BMPR1A: variants seen among roughly 807,000 people sequenced by gnomAD.
BMPR1A encodes the protein bone morphogenetic protein receptor type 1A, also known as bone morphogenetic protein receptor type-1A.
BMPR1A carries 7 observed loss-of-function variants against 66.0 expected under a neutral mutation model. That is an observed-to-expected ratio of 0.11 (90% CI 0.06 to 0.20). The LOEUF is 0.20. Ranked by LOEUF, BMPR1A falls within the 10% of genes least tolerant of loss-of-function variation. The pLI is 1.00. For missense variants in BMPR1A, 408 were observed against 669.1 expected, an observed-to-expected ratio of 0.61 and a Z score of 4.31; for synonymous variants, 200 against 229.7, an observed-to-expected ratio of 0.87 and a Z score of 1.17.
chr10:86,780,600 A>G (rs531694494), intron 1 of BMPR1A, among the ~76,000 whole-genome samples: 21 of 150,812 alleles, frequency 1.4e-4, no homozygotes, highest in Admixed American at 1.1e-3. Context: ...ACGCCCGGCT[A>G]ATTTTTGTAT....
chr10:86,778,151 G>A (rs75515631), intron 1 of BMPR1A, among the ~76,000 whole-genome samples: 2,080 of 152,118 alleles, frequency 0.014, 42 homozygotes, highest in African/African-American at 0.048. Context: ...TGGCTCATGG[G>A]CTACATGTGG....
chr10:86,875,888 A>G lies in BMPR1A; in HGVS notation c.-131A>G. 1 of 776,218 alleles carries G rather than the reference A, an allele frequency of 1.3e-6. No individual in the cohort carries two copies. The highest frequency in any genetic ancestry group is 2.3e-6 in the Non-Finnish European group (1 of 438,480). The allele number at this position is 776,218 out of a possible 1,614,324, so 48.1% of individuals were successfully genotyped here. Reference sequence around the variant, plus strand: ...TCAGGAGTCGTAAGAAAGCAGTGGGAGTTGAAGTCATTGTCAAGTGCTTGC... The same window carrying G: ...TCAGGAGTCGTAAGAAAGCAGTGGGGGTTGAAGTCATTGTCAAGTGCTTGC... On this transcript the variant is annotated 5_prime_UTR_variant, in exon 3 of 13. Transcript: ENST00000372037.
At chr10:86,889,105 C>T (rs1843111670) in intron 3 of BMPR1A, among the ~76,000 whole-genome samples, 1 of 152,130 alleles carries the variant, frequency 6.6e-6, no homozygotes, top group Non-Finnish European at 1.5e-5. Context: ...CTAGCTGAGT[C>T]AGAGAGAGGA....
chr10:86,794,779 GTA>G (rs1259619222), intron 1 of BMPR1A, among the ~76,000 whole-genome samples: 1 of 151,092 alleles, frequency 6.6e-6, no homozygotes, highest in African/African-American at 2.4e-5. Flanking sequence ...TCTGTGATTC[GTA>G]TAGTCACTAG....
At chr10:86,855,095 G>C (rs1842622239) in intron 2 of BMPR1A, 1 of 265,290 alleles carries the variant, frequency 3.8e-6, no homozygotes, top group African/African-American at 2.2e-5. Flanking sequence ...TCCACGCCCA[G>C]CTAATTATTG....
At chr10:86,895,194 A>G (rs1298211385) in intron 5 of BMPR1A, among the ~76,000 whole-genome samples, 1 of 152,226 alleles carries the variant, frequency 6.6e-6, no homozygotes, top group African/African-American at 2.4e-5. Flanking sequence ...TTTCGATGAT[A>G]GGATCTTTAT....
intron 1 of BMPR1A, among the ~76,000 whole-genome samples, chr10:86,825,990 C>T (rs1027762923): frequency 3.3e-5 from 5 of 152,158 alleles, no homozygotes; most frequent in South Asian, 2.1e-4. Flanking sequence ...ATTTATAAAT[C>T]GATAGAAAAG....
At chr10:86,793,736 A>G (rs887116033) in intron 1 of BMPR1A, among the ~76,000 whole-genome samples, 2 of 151,502 alleles carry the variant, frequency 1.3e-5, no homozygotes, top group Admixed American at 6.6e-5. Flanking sequence ...ACAAATTACC[A>G]TACTTTTAGT....
chr10:86,821,558 T>C (rs1842120460), intron 1 of BMPR1A, among the ~76,000 whole-genome samples: 1 of 152,172 alleles, frequency 6.6e-6, no homozygotes, highest in South Asian at 2.1e-4. Flanking sequence ...AGTTGCTCTC[T>C]AGAGAGGCTG....
chr10:86,790,733 C>T (rs895046728), intron 1 of BMPR1A, among the ~76,000 whole-genome samples: 12 of 152,014 alleles, frequency 7.9e-5, no homozygotes, highest in African/African-American at 2.9e-4. Flanking sequence ...TATGAAAGGT[C>T]CGGAAAAGGT....
chr10:86,871,582 C>T (rs1394983729), intron 2 of BMPR1A, among the ~76,000 whole-genome samples: 2 of 152,194 alleles, frequency 1.3e-5, no homozygotes, highest in Middle Eastern at 3.4e-3. Context: ...GAGGTTTAGG[C>T]GGGTGGATTG....
chr10:86,859,112 A>T (rs1457495170), intron 2 of BMPR1A, among the ~76,000 whole-genome samples: 1 of 152,134 alleles, frequency 6.6e-6, no homozygotes, highest in Non-Finnish European at 1.5e-5. Flanking sequence ...CCTAGAAATA[A>T]ATCCACATAT....
downstream of BMPR1A, chr10:86,930,112 C>G (rs575322828): frequency 6.6e-6 from 1 of 152,374 alleles, no homozygotes; most frequent in African/African-American, 2.4e-5. Context: ...ATCAGCGGCA[C>G]TGCTGCAGGC....
At chr10:86,835,241 GAAAAAAAGA>G (rs869305275) in intron 1 of BMPR1A, among the ~76,000 whole-genome samples, 13 of 67,898 alleles carry the variant, frequency 1.9e-4, no homozygotes, top group East Asian at 7.5e-4. Context: ...TCTTTAAAAA[GAAAAAAAGA>G]AAAAAAAAAA....
At chr10:86,850,011 G>A (rs1842545076) in intron 2 of BMPR1A, among the ~76,000 whole-genome samples, 1 of 152,110 alleles carries the variant, frequency 6.6e-6, no homozygotes, top group African/African-American at 2.4e-5. Context: ...GAGTAGGGGA[G>A]TGGAAGTTAA....
At chr10:86,795,835 T>A (rs996781536) in intron 1 of BMPR1A, among the ~76,000 whole-genome samples, 1 of 152,212 alleles carries the variant, frequency 6.6e-6, no homozygotes, top group African/African-American at 2.4e-5. Flanking sequence ...ATATTTTCTT[T>A]GAGAGCTTAA....
At chr10:86,846,782 A>C (rs1296853815) in intron 2 of BMPR1A, among the ~76,000 whole-genome samples, 1 of 152,106 alleles carries the variant, frequency 6.6e-6, no homozygotes, top group Non-Finnish European at 1.5e-5. Context: ...TGGTCTCAGA[A>C]ATGTCATCCA....
intron 1 of BMPR1A, among the ~76,000 whole-genome samples, chr10:86,791,725 C>T (rs941797782): frequency 6.5e-5 from 7 of 107,216 alleles, no homozygotes; most frequent in Non-Finnish European, 9.2e-5. Flanking sequence ...TCCTTCCTTC[C>T]TTCCTTCCCT....
At chr10:86,889,544 T>C (rs913690809) in intron 3 of BMPR1A, 1 of 154,840 alleles carries the variant, frequency 6.5e-6, no homozygotes, top group African/African-American at 2.4e-5. Flanking sequence ...CCCCCTTTTG[T>C]ACCTTTCTTA....
Sources: gnomAD v4.1 joint callset for allele counts (sites outside exome capture counted in the v4.1 genomes callset) on GRCh38, gnomAD v4.1.1 for gene constraint, MANE v1.5 for transcripts, NCBI Gene and HGNC (gene_info 2026-07-23, HGNC 2026-07-21) for gene names.